Variants in NAALADL2 observed in about 807,000 individuals in gnomAD.
NAALADL2 encodes inactive N-acetylated-alpha-linked acidic dipeptidase-like protein 2.
In NAALADL2, 76 loss-of-function variants were observed where a neutral mutation model predicts 87.2. The observed-to-expected ratio is 0.87, with a 90% CI of 0.72 to 1.05. The LOEUF (loss-of-function observed/expected upper bound fraction) is 1.05, where lower values mean the gene tolerates loss of function less well. Ranked by LOEUF, NAALADL2 falls within the 50% of genes least tolerant of loss-of-function variation. NAALADL2 has a pLI of 0.00. For synonymous variants in NAALADL2, 354 were observed against 331.0 expected (o/e 1.07, Z -0.75); for missense variants, 1,089 against 945.8 (o/e 1.15, Z -1.99).
intron 2 of NAALADL2, among the ~76,000 whole-genome samples, chr3:174,626,145 A>C (rs1280607622): frequency 1.4e-5 from 2 of 144,910 alleles, no homozygotes; most frequent in East Asian, 2.0e-4. Flanking sequence ...ACTGCATTGG[A>C]TATTTTTGTA....
intron 2 of NAALADL2, among the ~76,000 whole-genome samples, chr3:175,225,908 G>A (rs895716200): frequency 6.6e-6 from 1 of 152,130 alleles, no homozygotes; most frequent in African/African-American, 2.4e-5. Flanking sequence ...AAGAGTGAAA[G>A]ATGTAGAGTT....
chr3:174,525,432 G>C (rs1720652433), intron 1 of NAALADL2, among the ~76,000 whole-genome samples: 1 of 152,198 alleles, frequency 6.6e-6, no homozygotes, highest in African/African-American at 2.4e-5. Flanking sequence ...AAGAGCAAGA[G>C]AAGGGGGATG....
intron 2 of NAALADL2, among the ~76,000 whole-genome samples, chr3:174,704,335 T>A (rs653681): frequency 0.3 from 46,302 of 152,078 alleles, 7,602 homozygotes; most frequent in Non-Finnish European, 0.37. Context: ...TTCTATGGTA[T>A]ATCAGTATGA....
At chr3:175,405,800 G>T (rs1271186381) in intron 5 of NAALADL2, among the ~76,000 whole-genome samples, 2 of 152,112 alleles carry the variant, frequency 1.3e-5, no homozygotes. Flanking sequence ...ATCCTATGAG[G>T]TTAAGTACTA....
intron 2 of NAALADL2, among the ~76,000 whole-genome samples, chr3:174,643,498 C>G (rs1456615997): frequency 1.3e-5 from 2 of 151,854 alleles, no homozygotes; most frequent in African/African-American, 2.4e-5. Context: ...ACTAAAAATA[C>G]AAAAAATTAG....
At chr3:175,627,265 A>G (rs1560874991) in intron 10 of NAALADL2, 26 bp from the exon 11 acceptor site, 1 of 1,508,108 alleles carries the variant, frequency 6.6e-7, no homozygotes, top group Non-Finnish European at 9.0e-7. Flanking sequence ...AAGAGTTTTA[A>G]ATGTTTCTTT....
At chr3:175,043,901 A>G (rs1754376770) in intron 1 of NAALADL2, among the ~76,000 whole-genome samples, 1 of 152,170 alleles carries the variant, frequency 6.6e-6, no homozygotes, top group Admixed American at 6.6e-5. Context: ...TGTTTCATCT[A>G]TTTTTATCAT....
chr3:175,137,977 T>C (rs1729386183), intron 2 of NAALADL2, among the ~76,000 whole-genome samples: 1 of 152,162 alleles, frequency 6.6e-6, no homozygotes, highest in Non-Finnish European at 1.5e-5. Context: ...AACACCATCT[T>C]CCAAAAGAAT....
At chr3:174,929,619 T>C (rs977768801) in intron 1 of NAALADL2, among the ~76,000 whole-genome samples, 1 of 152,202 alleles carries the variant, frequency 6.6e-6, no homozygotes, top group Non-Finnish European at 1.5e-5. Context: ...TCTGTTTGAT[T>C]GAGAAAATAA....
At chr3:174,918,114 A>G (rs921063463) in intron 1 of NAALADL2, among the ~76,000 whole-genome samples, 1 of 152,142 alleles carries the variant, frequency 6.6e-6, no homozygotes, top group South Asian at 2.1e-4. Context: ...GAAAAGTAGT[A>G]TATGATGAGG....
intron 1 of NAALADL2, among the ~76,000 whole-genome samples, chr3:174,492,299 A>G: frequency 6.6e-6 from 1 of 152,048 alleles, no homozygotes; most frequent in Non-Finnish European, 1.5e-5. Flanking sequence ...AAGAAAAACA[A>G]ATTGATTAGT....
At chr3:174,599,111 T>A (rs1426747813) in intron 2 of NAALADL2, among the ~76,000 whole-genome samples, 1 of 152,122 alleles carries the variant, frequency 6.6e-6, no homozygotes, top group Admixed American at 6.5e-5. Flanking sequence ...AGCCATACAC[T>A]CCATTAAGTT....
intron 2 of NAALADL2, among the ~76,000 whole-genome samples, chr3:175,197,264 C>T (rs74713568): frequency 0.028 from 4,283 of 151,926 alleles, 188 homozygotes; most frequent in African/African-American, 0.096. Flanking sequence ...AATAAGCCCG[C>T]GTAGAGTCCG....
intron 2 of NAALADL2, among the ~76,000 whole-genome samples, chr3:175,158,898 A>C (rs1202333505): frequency 6.6e-6 from 1 of 152,122 alleles, no homozygotes; most frequent in African/African-American, 2.4e-5. Flanking sequence ...GCTTATTGAA[A>C]ACAGATTATA....
intron 4 of NAALADL2, among the ~76,000 whole-genome samples, chr3:175,305,029 T>C (rs1560323720): frequency 6.6e-6 from 1 of 152,158 alleles, no homozygotes; most frequent in Non-Finnish European, 1.5e-5. Flanking sequence ...TACTTTTCAT[T>C]GCATTCTAGA....
At chr3:175,282,041 CA>C (rs1754373722) in intron 4 of NAALADL2, among the ~76,000 whole-genome samples, 1 of 151,706 alleles carries the variant, frequency 6.6e-6, no homozygotes, top group South Asian at 2.1e-4. Context: ...TATACTTCAC[CA>C]AAATTAAGGA....
chr3:174,689,712 C>T (rs182076835), intron 2 of NAALADL2, among the ~76,000 whole-genome samples: 48 of 152,118 alleles, frequency 3.2e-4, no homozygotes, highest in Non-Finnish European at 2.9e-4. Flanking sequence ...CTCTAGAAGG[C>T]CCAGAATCTT....
intron 1 of NAALADL2, among the ~76,000 whole-genome samples, chr3:175,034,602 T>C (rs1753191759): frequency 1.3e-5 from 2 of 152,156 alleles, no homozygotes; most frequent in South Asian, 2.1e-4. Flanking sequence ...GTTTTATTTT[T>C]CTTCATGGCA....
intron 3 of NAALADL2, among the ~76,000 whole-genome samples, chr3:174,837,836 C>G (rs1259300729): frequency 1.3e-5 from 2 of 151,236 alleles, no homozygotes; most frequent in Admixed American, 1.3e-4. Context: ...AAAAAATTAC[C>G]AACACAAAGA....
Sources: gnomAD v4.1 joint callset for allele counts (sites outside exome capture counted in the v4.1 genomes callset) on GRCh38, gnomAD v4.1.1 for gene constraint, MANE v1.5 for transcripts, NCBI Gene and HGNC (gene_info 2026-07-23, HGNC 2026-07-21) for gene names.